Variants in P2RY8 observed in about 807,000 individuals in gnomAD.
P2RY8 encodes the protein P2Y receptor family member 8.
Under a neutral mutation model 10.0 loss-of-function variants are expected in P2RY8, and 6 were observed. The ratio of observed to expected loss-of-function variants is 0.60; its 90% CI spans 0.33 to 1.19. The LOEUF (loss-of-function observed/expected upper bound fraction) is 1.19, where lower values mean the gene tolerates loss of function less well. Ranked by LOEUF, P2RY8 falls within the 50% of genes most tolerant of loss-of-function variation. The pLI is 0.04. For synonymous variants in P2RY8, 276 were observed against 252.5 expected (o/e 1.09, Z -0.88); for missense variants, 456 against 542.0 (o/e 0.84, Z 1.58).
chrX:1,523,017 C>T (rs1387572659), intron 1 of P2RY8, among the ~76,000 whole-genome samples: 4 of 142,732 alleles, frequency 2.8e-5, no homozygotes, highest in South Asian at 2.3e-4. Context: ...TGCAGAAAGC[C>T]GAGATTGCAC....
intron 1 of P2RY8, among the ~76,000 whole-genome samples, chrX:1,498,772 T>C (rs1475463566): frequency 6.6e-6 from 1 of 151,964 alleles, no homozygotes; most frequent in African/African-American, 2.4e-5. Flanking sequence ...ACTCCTGATC[T>C]TGTGATCCGC....
chrX:1,466,136 C>T lies in P2RY8; in HGVS notation c.423G>A (p.Val141=), dbSNP rs2091672080. The T allele has an allele frequency of 6.2e-7, 1 of 1,611,840 alleles. No homozygotes were observed. Among genetic ancestry groups the T allele is most frequent in the East Asian group, 2.2e-5 (1 of 44,864 alleles). Residue 141 remains valine, a synonymous_variant, in exon 2 of 2, where the codon GTG becomes GTA. Coordinates refer to ENST00000381297, the MANE Select transcript of P2RY8 (RefSeq NM_178129.5). ...GCAGCCAGGTCCCTGCACACGCGGC[C>T]ACCGCGTAACGACGGCGGCGCCAGC... ...SKRWRRRRYA[V]AACAGTWLLL...
At chrX:1,532,254 C>T (rs1282841495) in intron 1 of P2RY8, among the ~76,000 whole-genome samples, 1 of 151,048 alleles carries the variant, frequency 6.6e-6, no homozygotes, top group Non-Finnish European at 1.5e-5. Flanking sequence ...ATATAAATGC[C>T]GGCACTGACA....
intron 1 of P2RY8, among the ~76,000 whole-genome samples, chrX:1,479,206 G>T (rs1358279223): frequency 1.3e-5 from 2 of 152,226 alleles, no homozygotes; most frequent in Non-Finnish European, 2.9e-5. Flanking sequence ...ACCTCTGGGA[G>T]TTCGTTTGCT....
chrX:1,524,606 T>TCCATCC (rs1569538707), intron 1 of P2RY8, among the ~76,000 whole-genome samples: 1 of 16,542 alleles, frequency 6.0e-5, no homozygotes, highest in African/African-American at 2.5e-4. Context: ...TTCATCCATC[T>TCCATCC]ATCCATCCAT....
At chrX:1,474,878 G>GTGGA (rs1179994281) in intron 1 of P2RY8, among the ~76,000 whole-genome samples, 4,645 of 133,016 alleles carry the variant, frequency 0.035, 274 homozygotes, top group African/African-American at 0.13. Context: ...GTATGGGTGT[G>GTGGA]TGGATGGATG....
intron 1 of P2RY8, among the ~76,000 whole-genome samples, chrX:1,499,445 G>A (rs5948919): frequency 0.28 from 42,377 of 151,944 alleles, 7,759 homozygotes; most frequent in Non-Finnish European, 0.41. Flanking sequence ...GATTACAGAC[G>A]TGAACCACCA....
chrX:1,477,654 G>A (rs1280499712), intron 1 of P2RY8, among the ~76,000 whole-genome samples: 3 of 152,138 alleles, frequency 2.0e-5, no homozygotes, highest in African/African-American at 4.8e-5. Context: ...GGCATCTGGT[G>A]GGTAGATCCC....
chrX:1,479,425 C>T (rs1234896779), intron 1 of P2RY8, among the ~76,000 whole-genome samples: 1 of 152,122 alleles, frequency 6.6e-6, no homozygotes, highest in African/African-American at 2.4e-5. Context: ...TTTCTAGGAT[C>T]GATTTCTAGG....
chrX:1,477,854 G>A (rs1315722929), intron 1 of P2RY8, among the ~76,000 whole-genome samples: 3 of 152,208 alleles, frequency 2.0e-5, no homozygotes, highest in African/African-American at 4.8e-5. Context: ...CTTTCGGGGA[G>A]AGAAAAGACC....
At chrX:1,490,785 A>G (rs2092038747) in intron 1 of P2RY8, among the ~76,000 whole-genome samples, 2 of 148,536 alleles carry the variant, frequency 1.3e-5, no homozygotes, top group Non-Finnish European at 3.0e-5. Flanking sequence ...GCAAACGTAG[A>G]GAGAATGAAT....
chrX:1,503,559 G>A (rs1364485807), intron 1 of P2RY8, among the ~76,000 whole-genome samples: 2 of 152,026 alleles, frequency 1.3e-5, no homozygotes, highest in Non-Finnish European at 2.9e-5. Context: ...TCAGGAGTTC[G>A]AGACCAGCCT....
At chrX:1,488,226 C>G (rs1166467448) in intron 1 of P2RY8, among the ~76,000 whole-genome samples, 1 of 152,148 alleles carries the variant, frequency 6.6e-6, no homozygotes, top group East Asian at 1.9e-4. Flanking sequence ...AGAGGCAGAA[C>G]GAGCTGAGGA....
At chrX:1,467,539 C>T (rs1423077823) in intron 1 of P2RY8, among the ~76,000 whole-genome samples, 3 of 152,170 alleles carry the variant, frequency 2.0e-5, no homozygotes, top group African/African-American at 4.8e-5. Context: ...CTTGGTGTGG[C>T]CGTGGGGGAC....
intron 1 of P2RY8, among the ~76,000 whole-genome samples, chrX:1,524,834 CATCCATCCATCCATCCACT>C (rs2092428644): frequency 8.8e-6 from 1 of 113,282 alleles, no homozygotes; most frequent in African/African-American, 2.9e-5. Flanking sequence ...TCCATCCATC[CATCCATCCATCCATCCACT>C]CATCCATTCA....
At chrX:1,532,552 G>T (rs1408182548) in intron 1 of P2RY8, among the ~76,000 whole-genome samples, 1 of 151,542 alleles carries the variant, frequency 6.6e-6, no homozygotes, top group East Asian at 1.9e-4. Context: ...ACTTATGATG[G>T]AATACTACTC....
Position 1,536,949 on chromosome X carries a change from G to A in P2RY8, c.-53C>T, listed in dbSNP as rs1262138487. ...TGCAGAAGCAGCGGCAGAAGTAGCA[G>A]GTGAGAGCTCAGAGGGTCTCCAGGT... On this transcript the variant is annotated 5_prime_UTR_variant, in exon 1 of 2. Transcript: ENST00000381297. The A allele has an allele frequency of 4.4e-6, 1 of 229,690 alleles. No homozygotes were observed. The highest frequency in any genetic ancestry group is 8.6e-6 in the Non-Finnish European group (1 of 115,960). 14.2% of individuals were successfully genotyped at this position (229,690 alleles called of 1,614,324 possible).
Position 1,509,751 on chromosome X carries a change from G to GTCTATCTATCTATCTATCTATCTATCTA in P2RY8, c.-25+27142_-25+27169dup, listed in dbSNP as rs1307366915. On this transcript the variant is annotated intron_variant, in intron 1 of 1. Transcript: ENST00000381297. ...TATGTATCTATCTATGTATCTATCT[G>GTCTATCTATCTATCTATCTATCTATCTA]TCTATCTATCTATCTATCTATCTAT... 3.0e-3 allele frequency among the ~76,000 whole-genome samples: 238 copies of GTCTATCTATCTATCTATCTATCTATCTA among 78,292 alleles called. 9 individuals carry two copies. Among genetic ancestry groups the GTCTATCTATCTATCTATCTATCTATCTA allele is most frequent in the East Asian group, 7.5e-3 (24 of 3,188 alleles). The allele number at this position is 78,292 out of a possible 152,430, so 51.4% of individuals were successfully genotyped here.
Position 1,474,556 on chromosome X carries a change from G to GTGGA in P2RY8, c.-24-7978_-24-7975dup, listed in dbSNP as rs768305692. On this transcript the variant is annotated intron_variant, in intron 1 of 1. Coordinates refer to ENST00000381297, the MANE Select transcript of P2RY8 (RefSeq NM_178129.5). ...GATAGATGAATAGGTGTATGGGTGT[G>GTGGA]TGGATGGATGGATGGATGGATGGAT... Among the ~76,000 whole-genome samples the GTGGA allele has an allele frequency of 2.1e-3, 183 of 87,058 alleles. 3 individuals are homozygous for GTGGA. The highest frequency in any genetic ancestry group is 3.4e-3 in the African/African-American group (66 of 19,308). 57.1% of individuals were successfully genotyped at this position (87,058 alleles called of 152,430 possible). A position where few individuals can be genotyped will look rare whatever the true frequency, so the allele number is the denominator to read the frequency against.
Sources: allele counts gnomAD v4.1 joint callset (sites outside exome capture counted in the v4.1 genomes callset), GRCh38; gene constraint gnomAD v4.1.1; transcripts MANE v1.5; gene names NCBI Gene and HGNC (gene_info 2026-07-23, HGNC 2026-07-21).